The following SF3B2 variants were observed in gnomAD, a reference collection of about 807,000 sequenced individuals.
The protein encoded by SF3B2 is SAP 145.
A neutral mutation model predicts 116.3 loss-of-function variants in SF3B2; 22 were observed. That is an observed-to-expected ratio of 0.19 (90% CI 0.14 to 0.27). SF3B2 has a LOEUF of 0.27. SF3B2 is among the 10% of genes least tolerant of loss of function. SF3B2 has a pLI of 1.00. For synonymous variants in SF3B2, 406 were observed against 421.6 expected, an observed-to-expected ratio of 0.96 and a Z score of 0.45; for missense variants, 767 against 1,151.4, an observed-to-expected ratio of 0.67 and a Z score of 4.83.
At chr11:66,061,605 T>C in intron 14 of SF3B2, 81 bp from the exon 15 acceptor site, 1 of 1,081,348 alleles carries the variant, frequency 9.2e-7, no homozygotes. Context: ...CTCACTGGGA[T>C]TTTATATCTG....
chr11:66,061,926 C>T lies in SF3B2; in HGVS notation c.1905C>T (p.Ala635=). 1 of 1,613,812 alleles carries T rather than the reference C, an allele frequency of 6.2e-7. No homozygotes were observed. ...AGGTCCCTCCCCCATGGCTGATTGC[C>T]ATGCAGCGATATGGACCACCCCCAT... ...AHKVPPPWLI[A]MQRYGPPPSY... Residue 635 remains alanine, a synonymous_variant, in exon 16 of 22, where the codon GCC becomes GCT. Coordinates refer to ENST00000322535, the MANE Select transcript of SF3B2 (RefSeq NM_006842.3).
At chr11:66,061,167 A>G (rs1317428026) in intron 14 of SF3B2, among the ~76,000 whole-genome samples, 1 of 152,164 alleles carries the variant, frequency 6.6e-6, no homozygotes, top group African/African-American at 2.4e-5. Flanking sequence ...CTCGGATGAG[A>G]TGGAATTTAA....
chr11:66,055,812 TTA>T (rs1856983902), intron 5 of SF3B2: 1 of 517,294 alleles, frequency 1.9e-6, no homozygotes, highest in Non-Finnish European at 3.4e-6. Context: ...TTAAAATTTT[TTA>T]AGGGTTATAA....
At chr11:66,061,605 T>TTTTATATCTGATG in intron 14 of SF3B2, 81 bp from the exon 15 acceptor site, 1 of 1,081,348 alleles carries the variant, frequency 9.2e-7, no homozygotes, top group Non-Finnish European at 1.4e-6. Flanking sequence ...CTCACTGGGA[T>TTTTATATCTGATG]TTTATATCTG....
Position 66,059,855 on chromosome 11 carries a change from A to G in SF3B2, c.1475A>G (p.Lys492Arg), listed in dbSNP as rs1286275025. The G allele has an allele frequency of 6.2e-7, 1 of 1,614,216 alleles. No individual in the cohort carries two copies. The highest frequency in any genetic ancestry group is 1.7e-5 in the Admixed American group (1 of 60,028). Residue 492 changes from lysine (K) to arginine (R), a missense_variant, in exon 13 of 22, where the codon AAG (lysine) becomes AGG (arginine). By Grantham distance (26) the Lys-to-Arg change is conservative (BLOSUM62 2). This residue lies in a region of SF3B2 where 282 missense variants were observed against 568.0 expected (regional missense o/e 0.50). Transcript: ENST00000322535. This position sits in a 1 kb window ranked among gnomAD's most constrained non-coding sequence, Gnocchi z 5.0. ...AQDPKLLVHL[K>R]ATRNSVPVPR... Reference sequence around the variant, plus strand: ...GACCCTAAGCTCTTGGTTCACCTCAAGGCCACTCGGAACTCTGTGCCTGTG... The same window carrying G: ...GACCCTAAGCTCTTGGTTCACCTCAGGGCCACTCGGAACTCTGTGCCTGTG...
intron 2 of SF3B2, 23 bp from the exon 3 acceptor site, chr11:66,053,004 C>T (rs1856914177): frequency 6.2e-7 from 1 of 1,612,600 alleles, no homozygotes; most frequent in Non-Finnish European, 8.5e-7. Flanking sequence ...TTGGACTGAC[C>T]TAGAGTCCTT....
chr11:66,065,215 G>C (rs539971103), intron 19 of SF3B2: 1 of 152,234 alleles, frequency 6.6e-6, no homozygotes, highest in South Asian at 2.1e-4. Context: ...CAAGTGATCC[G>C]CCTGCCTTGG....
Position 66,058,891 on chromosome 11 carries a change from C to T in SF3B2, c.1028C>T (p.Ser343Phe). The change falls in exon 10 of 22, where the codon TCC becomes TTC. Residue 343 changes from serine to phenylalanine, a missense_variant. Ser to Phe is a radical substitution (Grantham distance 155). Transcript: ENST00000322535. ...AAGCCCCAGCGGGTGCGAGGGGTGT[C>T]CTCTGAGAGCTCTGGGGACCGGGAG... ...KKKPQRVRGV[S>F]SESSGDREKD... is the part of the protein sequence containing the mutation. 1 of 1,614,006 alleles carries T rather than the reference C, an allele frequency of 6.2e-7. No individual in the cohort carries two copies. The highest frequency in any genetic ancestry group is 1.1e-5 in the South Asian group (1 of 91,072).
chr11:66,059,976 C>G lies in SF3B2; in HGVS notation c.1596C>G (p.Gly532=). 1 of 1,614,158 alleles carries G rather than the reference C, an allele frequency of 6.2e-7. No homozygotes were observed. The highest frequency in any genetic ancestry group is 8.5e-7 in the Non-Finnish European group (1 of 1,180,040). Residue 532 remains glycine, a synonymous_variant, in exon 13 of 22, where the codon GGC becomes GGG. Coordinates refer to ENST00000322535, the MANE Select transcript of SF3B2 (RefSeq NM_006842.3). This position sits in a 1 kb window ranked among gnomAD's most constrained non-coding sequence, Gnocchi z 5.0. ...TGCCAGACTTCATCAAACGCACAGG[C>G]ATCCAGGAGATGCGAGAGGCCCTGC... ...FELPDFIKRT[G]IQEMREALQE... is the part of the protein sequence containing the mutation.
At chr11:66,056,028 G>A (rs1268539666) in intron 5 of SF3B2, among the ~76,000 whole-genome samples, 3 of 152,144 alleles carry the variant, frequency 2.0e-5, no homozygotes, top group Admixed American at 6.5e-5. Context: ...TGTTATATAA[G>A]ATGTTTGGCC....
At chr11:66,068,377 C>A (rs1857224974) in intron 21 of SF3B2, 44 bp downstream of exon 21, 3 of 1,502,554 alleles carry the variant, frequency 2.0e-6, no homozygotes, top group Non-Finnish European at 1.8e-6. Flanking sequence ...AGCCAGGGAC[C>A]CTGGCCTGCC....
At chr11:66,067,280 T>C (rs983748276) in intron 19 of SF3B2, 1 of 397,818 alleles carries the variant, frequency 2.5e-6, no homozygotes, top group African/African-American at 2.1e-5. Flanking sequence ...CTTTAGGTCA[T>C]GGTAAGGAGT....
Position 66,059,018 on chromosome 11 carries a change from CTTT to C in SF3B2, c.1156_1158del (p.Phe386del), listed in dbSNP as rs1857055030. The C allele has an allele frequency of 6.2e-7, 1 of 1,613,942 alleles. No individual in the cohort carries two copies. The highest frequency in any genetic ancestry group is 8.5e-7 in the Non-Finnish European group (1 of 1,179,996). The stretch of plus-strand genomic sequence containing the variant: ...AAATTTACGAGCCCAACTTTATCTT[CTTT>C]AAGAGGATCTTTGAGGCTTTTAAGG... On this transcript the variant is annotated inframe_deletion, in exon 10 of 22. Transcript: ENST00000322535. The surrounding 1 kb of genome is among the most constrained non-coding windows in gnomAD (Gnocchi z 5.0).
intron 1 of SF3B2, 59 bp from the exon 2 acceptor site, chr11:66,052,614 G>T (rs1856900654): frequency 1.3e-6 from 2 of 1,590,876 alleles, no homozygotes; most frequent in Admixed American, 1.8e-5. Flanking sequence ...GAGGCAGGCC[G>T]CTGGGGCCTG....
Position 66,063,657 on chromosome 11 carries a change from C to T in SF3B2, c.2258C>T (p.Ser753Leu). Residue 753 changes from serine (S) to leucine (L), a missense_variant, in exon 19 of 22, where the codon TCA (serine) becomes TTA (leucine). Physicochemically the swap from Ser to Leu is moderately radical, Grantham distance 145 (BLOSUM62 -2). Coordinates refer to ENST00000322535, the MANE Select transcript of SF3B2 (RefSeq NM_006842.3). ...SGLITPGGFS[S>L]VPAGMETPEL... ...CTTATCACTCCTGGAGGCTTTTCAT[C>T]AGTGCCTGCTGGAATGGAGACCCCT... The T allele has an allele frequency of 6.2e-7, 1 of 1,613,588 alleles. No homozygotes were observed. Among genetic ancestry groups the T allele is most frequent in the Non-Finnish European group, 8.5e-7 (1 of 1,179,822 alleles).
chr11:66,068,101 G>A (rs761617464), intron 20 of SF3B2, 47 bp from the exon 21 acceptor site: 12 of 1,612,712 alleles, frequency 7.4e-6, no homozygotes, highest in Non-Finnish European at 8.5e-6. Flanking sequence ...AGAAGCTAGG[G>A]CTTCTCTGAC....
At chr11:66,058,647 T>C in intron 9 of SF3B2, 183 bp from the exon 10 acceptor site, 1 of 644,062 alleles carries the variant, frequency 1.6e-6, no homozygotes, top group Non-Finnish European at 2.7e-6. Context: ...GGCATACAGC[T>C]TGTGAGTGGC....
intron 19 of SF3B2, chr11:66,067,697 C>T (rs1857212223): frequency 1.9e-6 from 1 of 520,244 alleles, no homozygotes; most frequent in Admixed American, 2.9e-5. Flanking sequence ...ATGTGGGAGT[C>T]CTGGTCTGTG....
Position 66,058,817 on chromosome 11 carries a change from C to T in SF3B2, c.967-13C>T, listed in dbSNP as rs1857048175. 1.9e-6 allele frequency: 3 copies of T among 1,602,828 alleles called. No individual in the cohort carries two copies. Among genetic ancestry groups the T allele is most frequent in the Non-Finnish European group, 2.6e-6 (3 of 1,175,216 alleles). ...GGATTCCCTGACCCAGCTGGTTTTCCTCCTCTTGACAGAAAAACCGGAAGC... is the reference window on the plus strand; with the variant it reads ...GGATTCCCTGACCCAGCTGGTTTTCTTCCTCTTGACAGAAAAACCGGAAGC... On this transcript the variant is annotated splice_polypyrimidine_tract_variant and intron_variant, in intron 9 of 21. Transcript: ENST00000322535.
Sources: gnomAD v4.1 joint callset for allele counts (sites outside exome capture counted in the v4.1 genomes callset) on GRCh38, gnomAD v4.1.1 for gene constraint, gnomAD v4.1.1 regional missense constraint, Gnocchi (gnomAD v3.1) non-coding constraint, MANE v1.5 for transcripts, NCBI Gene and HGNC (gene_info 2026-07-23, HGNC 2026-07-21) for gene names.